The following SDCCAG8 variants were observed in gnomAD, a reference collection of about 807,000 sequenced individuals.
The protein encoded by SDCCAG8 is serologically defined colon cancer antigen 8.
A neutral mutation model predicts 101.8 loss-of-function variants in SDCCAG8; 74 were observed. That is an observed-to-expected ratio of 0.73 (90% CI 0.60 to 0.88). SDCCAG8 has a LOEUF of 0.88. Ranked by LOEUF, SDCCAG8 falls within the 40% of genes least tolerant of loss-of-function variation. The probability of loss-of-function intolerance (pLI) is 0.00; values close to 1 mark genes in which losing one functional copy is unlikely to be tolerated. For synonymous variants in SDCCAG8, 281 were observed against 292.9 expected (o/e 0.96, Z 0.41); for missense variants, 787 against 822.6 (o/e 0.96, Z 0.53).
intron 12 of SDCCAG8, among the ~76,000 whole-genome samples, chr1:243,370,453 A>G (rs921840651): frequency 6.6e-6 from 1 of 152,140 alleles, no homozygotes; most frequent in African/African-American, 2.4e-5. Context: ...TGTCCCAAAA[A>G]AGTAGAGATA....
chr1:243,441,063 G>A (rs534910371), intron 16 of SDCCAG8, among the ~76,000 whole-genome samples: 1 of 152,220 alleles, frequency 6.6e-6, no homozygotes, highest in East Asian at 1.9e-4. Context: ...CTTATCTATG[G>A]AAAATAGTCA....
rs142413635 is a variant in SDCCAG8, at chr1:243,460,199, G to A, written c.1986-28815G>A. Among the ~76,000 whole-genome samples the A allele has an allele frequency of 2.8e-3, 432 of 152,192 alleles. 4 individuals are homozygous for A. The highest frequency in any genetic ancestry group is 9.8e-3 in the African/African-American group (406 of 41,508). On this transcript the variant is annotated intron_variant, in intron 16 of 17. Transcript: ENST00000366541. The stretch of plus-strand genomic sequence containing the variant: ...GAACAATTTATCAGGTGTTAATAAT[G>A]CTCATACATTATATTATTTTTTGGT...
At chr1:243,439,555 G>A (rs2082384549) in intron 16 of SDCCAG8, among the ~76,000 whole-genome samples, 1 of 151,472 alleles carries the variant, frequency 6.6e-6, no homozygotes, top group Non-Finnish European at 1.5e-5. Flanking sequence ...AAGCCAGGAG[G>A]CGGAGGTTGC....
At chr1:243,376,017 A>G (rs1558378466) in intron 12 of SDCCAG8, among the ~76,000 whole-genome samples, 3 of 152,312 alleles carry the variant, frequency 2.0e-5, no homozygotes, top group African/African-American at 7.2e-5. Flanking sequence ...ACAAAAATGC[A>G]TTTCACATTT....
At position 243,286,383 on chromosome 1, in the gene SDCCAG8, C is replaced by G; in HGVS notation, c.532C>G (p.Leu178Val). 1 of 1,614,054 alleles carries G rather than the reference C, an allele frequency of 6.2e-7. No individual in the cohort carries two copies. ...AGAGGAGACACTGAGGGAACAAACA[C>G]TTCTGGATGCATCCGTGAGCATTAT... Reference protein sequence around the residue: ...RQEETLREQTLLDASGNMHNS... With the variant: ...RQEETLREQTVLDASGNMHNS... Residue 178 changes from leucine (L) to valine (V), a missense_variant, in exon 5 of 18, where the codon CTT becomes GTT. Leu to Val is a conservative substitution (Grantham distance 32). Coordinates refer to ENST00000366541, the MANE Select transcript of SDCCAG8 (RefSeq NM_006642.5).
intron 3 of SDCCAG8, among the ~76,000 whole-genome samples, chr1:243,272,959 A>G (rs188911972): frequency 6.6e-6 from 1 of 152,350 alleles, no homozygotes; most frequent in African/African-American, 2.4e-5. Context: ...CAAAGTAGAC[A>G]CAAATGATTT....
intron 4 of SDCCAG8, among the ~76,000 whole-genome samples, chr1:243,281,105 C>G (rs959701886): frequency 1.8e-4 from 27 of 152,132 alleles, no homozygotes; most frequent in African/African-American, 5.3e-4. Context: ...GTGAATGGAC[C>G]TCTTTATCAT....
intron 16 of SDCCAG8, among the ~76,000 whole-genome samples, chr1:243,440,314 T>TA (rs369038304): frequency 7.7e-4 from 116 of 151,346 alleles, no homozygotes; most frequent in African/African-American, 2.6e-3. Flanking sequence ...ATTATTAAAT[T>TA]AAAAAAAAAG....
intron 17 of SDCCAG8, among the ~76,000 whole-genome samples, chr1:243,499,385 G>A (rs1187856744): frequency 6.6e-6 from 1 of 152,210 alleles, no homozygotes; most frequent in Non-Finnish European, 1.5e-5. Flanking sequence ...ATTACCTGCC[G>A]TTAAGGTCAG....
intron 6 of SDCCAG8, among the ~76,000 whole-genome samples, chr1:243,294,525 G>GAGAGAGAGAGAGAGA (rs2070643507): frequency 6.6e-6 from 1 of 150,524 alleles, no homozygotes; most frequent in South Asian, 2.1e-4. Context: ...GAGAGAGAGA[G>GAGAGAGAGAGAGAGA]AACAACCCAC....
chr1:243,444,906 TTAAGATA>T (rs2082793330), intron 16 of SDCCAG8, among the ~76,000 whole-genome samples: 2 of 152,206 alleles, frequency 1.3e-5, no homozygotes, highest in Non-Finnish European at 2.9e-5. Context: ...GCATGGACAT[TTAAGATA>T]TAACATCTTT....
intron 13 of SDCCAG8, among the ~76,000 whole-genome samples, chr1:243,393,711 T>C (rs909158529): frequency 1.3e-5 from 2 of 152,186 alleles, no homozygotes; most frequent in African/African-American, 4.8e-5. Flanking sequence ...CTTTATACAT[T>C]TTATGCATCA....
rs1047471606 is a variant in SDCCAG8, at chr1:243,489,262, G to T, written c.2112+122G>T. The T allele has an allele frequency of 9.7e-6, 13 of 1,344,440 alleles. No individual in the cohort carries two copies. In the South Asian group the frequency reaches 1.8e-4, roughly 19 times the overall value. The allele number at this position is 1,344,440 out of a possible 1,614,324, so 83.3% of individuals were successfully genotyped here. A position where few individuals can be genotyped will look rare whatever the true frequency, so the allele number is the denominator to read the frequency against. On this transcript the variant is annotated intron_variant, in intron 17 of 17. Coordinates refer to ENST00000366541, the MANE Select transcript of SDCCAG8 (RefSeq NM_006642.5). ...CATCGGTTAGCAGTAAGCTGGGAGG[G>T]AGGTCCCGAAGACTGTGCTGGGCAC...
intron 10 of SDCCAG8, among the ~76,000 whole-genome samples, chr1:243,338,432 T>C (rs2147772960): frequency 6.6e-6 from 1 of 152,186 alleles, no homozygotes; most frequent in East Asian, 1.9e-4. Context: ...TTTTTTTTTT[T>C]TTTAAATTCC....
chr1:243,419,934 T>C (rs531100870), intron 15 of SDCCAG8, among the ~76,000 whole-genome samples: 3 of 152,346 alleles, frequency 2.0e-5, no homozygotes, highest in Non-Finnish European at 2.9e-5. Context: ...AGAACCTCTA[T>C]TGCTCCTCCT....
At chr1:243,288,444 C>G (rs1178051951) in intron 5 of SDCCAG8, among the ~76,000 whole-genome samples, 2 of 152,078 alleles carry the variant, frequency 1.3e-5, no homozygotes. Context: ...CCAGCCTGGG[C>G]AACAGAGTGA....
chr1:243,482,852 G>A (rs1278345456), intron 16 of SDCCAG8, among the ~76,000 whole-genome samples: 1 of 152,208 alleles, frequency 6.6e-6, no homozygotes, highest in African/African-American at 2.4e-5. Context: ...AAAGGCGCGG[G>A]AAAGAAGGGT....
chr1:243,372,249 T>A (rs1045419232), intron 12 of SDCCAG8, among the ~76,000 whole-genome samples: 5 of 152,146 alleles, frequency 3.3e-5, no homozygotes, highest in African/African-American at 1.2e-4. Context: ...CACCAGTTCC[T>A]TCTTTTAACT....
intron 9 of SDCCAG8, among the ~76,000 whole-genome samples, 153 bp from the exon 10 acceptor site, chr1:243,330,387 A>G (rs746677814): frequency 3.6e-4 from 55 of 152,210 alleles, no homozygotes; most frequent in Non-Finnish European, 8.8e-5. Context: ...CTTTTAGGTC[A>G]ATAAGTGGTA....
Sources: gnomAD v4.1 joint callset for allele counts (sites outside exome capture counted in the v4.1 genomes callset) on GRCh38, gnomAD v4.1.1 for gene constraint, MANE v1.5 for transcripts, NCBI Gene and HGNC (gene_info 2026-07-23, HGNC 2026-07-21) for gene names.